Variants in TSTD1 observed in about 807,000 individuals in gnomAD.
TSTD1 encodes the protein thiosulfate:glutathione sulfurtransferase.
Under a neutral mutation model 12.6 loss-of-function variants are expected in TSTD1, and 7 were observed. That is an observed-to-expected ratio of 0.55 (90% CI 0.32 to 1.04). The LOEUF is 1.04. TSTD1 is among the 50% of genes least tolerant of loss of function. The pLI is 0.05. For missense variants in TSTD1, 156 were observed against 151.0 expected, an observed-to-expected ratio of 1.03 and a Z score of -0.17; for synonymous variants, 73 against 59.7, an observed-to-expected ratio of 1.22 and a Z score of -1.03.
At chr1:161,038,478 G>A in intron 2 of TSTD1, 73 bp downstream of exon 2, 1 of 1,446,312 alleles carries the variant, frequency 6.9e-7, no homozygotes, top group South Asian at 1.4e-5. Context: ...CATCCTAAAT[G>A]AGGTCCCATT....
Position 161,038,002 on chromosome 1 carries a change from C to T in TSTD1, c.207G>A (p.Lys69=), listed in dbSNP as rs1321265149. ...FQALYSAEKP[K]LEDEHLVFFC... ...AGAAAACGAGATGCTCATCTTCCAG[C>T]TTTGGCTTCTCAGCAGAATATAAAG... The change falls in exon 3 of 4, where the codon AAG becomes AAA. Residue 69 remains lysine, a synonymous_variant. Transcript: ENST00000423014. 1.3e-6 allele frequency: 2 copies of T among 1,551,748 alleles called. No homozygotes were observed. Among genetic ancestry groups the T allele is most frequent in the Non-Finnish European group, 1.7e-6 (2 of 1,147,006 alleles).
At chr1:161,038,123 A>G in intron 2 of TSTD1, 48 bp from the exon 3 acceptor site, 1 of 1,533,920 alleles carries the variant, frequency 6.5e-7, no homozygotes, top group Non-Finnish European at 8.8e-7. Context: ...TTTGGCACTC[A>G]GGTTCGGAAG....
chr1:161,038,328 T>G, intron 2 of TSTD1: 2 of 687,642 alleles, frequency 2.9e-6, no homozygotes, highest in Non-Finnish European at 4.7e-6. Context: ...GGTCTGCCCC[T>G]CTCCTCTCCG....
chr1:161,038,938 T>C lies in TSTD1; in HGVS notation c.-49A>G, dbSNP rs776204088. ...TCCGGAGTGCGGCCCTGGCCCGCCCTCTCGGCGCCTGCAACATCTCCCGTT... is the reference window on the plus strand; with the variant it reads ...TCCGGAGTGCGGCCCTGGCCCGCCCCCTCGGCGCCTGCAACATCTCCCGTT... On this transcript the variant is annotated 5_prime_UTR_variant, in exon 1 of 4. Transcript: ENST00000423014. The C allele has an allele frequency of 4.5e-6, 7 of 1,547,384 alleles. No individual in the cohort carries two copies. The East Asian group carries it at 1.5e-4, about 33-fold the overall frequency.
chr1:161,037,660 T>G lies in TSTD1; in HGVS notation c.*115A>C, dbSNP rs151164966. ...ATTAAATGTTCTTTATTTGATGCTTTTGTGTGCACAACACTATAAGGAGTT... is the reference window on the plus strand; with the variant it reads ...ATTAAATGTTCTTTATTTGATGCTTGTGTGTGCACAACACTATAAGGAGTT... On this transcript the variant is annotated 3_prime_UTR_variant, in exon 4 of 4. Transcript: ENST00000423014. 2 of 1,097,286 alleles carry G rather than the reference T, an allele frequency of 1.8e-6. No individual in the cohort carries two copies. Among genetic ancestry groups the G allele is most frequent in the African/African-American group, 3.2e-5 (2 of 63,390 alleles). 68.0% of individuals were successfully genotyped at this position (1,097,286 alleles called of 1,614,324 possible). A position where few individuals can be genotyped will look rare whatever the true frequency, so the allele number is the denominator to read the frequency against.
rs1018057124 is a variant in TSTD1 at position 161,038,005 on chromosome 1, T to C, written c.204A>G (p.Pro68=). The change falls in exon 3 of 4, where the codon CCA becomes CCG. Residue 68 remains proline, a synonymous_variant. Transcript: ENST00000423014. ...AFQALYSAEK[P]KLEDEHLVFF... ...AAACGAGATGCTCATCTTCCAGCTT[T>C]GGCTTCTCAGCAGAATATAAAGCCT... The C allele has an allele frequency of 3.9e-6, 6 of 1,551,610 alleles. No individual in the cohort carries two copies. The highest frequency in any genetic ancestry group is 4.4e-6 in the Non-Finnish European group (5 of 1,147,016).
chr1:161,037,713 C>CA lies in TSTD1; in HGVS notation c.*61dup. On this transcript the variant is annotated 3_prime_UTR_variant, in exon 4 of 4. Transcript: ENST00000423014. Reference sequence around the variant, plus strand: ...CCAATTCACCAAGTCAGCCCGTTCACACCCTTAGTTAAGGTGGCCATTAAG... The same window carrying CA: ...CCAATTCACCAAGTCAGCCCGTTCACAACCCTTAGTTAAGGTGGCCATTAAG... The CA allele has an allele frequency of 6.5e-7, 1 of 1,535,408 alleles. No homozygotes were observed.
In TSTD1 at chr1:161,038,626, G is replaced by T; in HGVS notation, c.58C>A (p.Arg20=). The T allele has an allele frequency of 6.4e-7, 1 of 1,550,838 alleles. No homozygotes were observed. The highest frequency in any genetic ancestry group is 8.7e-7 in the Non-Finnish European group (1 of 1,146,324). The change falls in exon 2 of 4, where the codon CGG becomes AGG. Residue 20 remains arginine (R), a synonymous_variant. Transcript: ENST00000423014. ...PELRSLLASG[R]ARLFDVRSRE... is the part of the protein sequence containing the mutation. The stretch of plus-strand genomic sequence containing the variant: ...GAGCGCACGTCGAAGAGCCGGGCCC[G>T]TCCGGAGGCTAGGAGTGAACGGAGT...
At chr1:161,038,802 C>A in intron 1 of TSTD1, 78 bp downstream of exon 1, 1 of 1,525,032 alleles carries the variant, frequency 6.6e-7, no homozygotes. Context: ...CGCCCCTTCG[C>A]TCCGCCACCC....
Position 161,038,562 on chromosome 1 carries a change from A to T in TSTD1, c.122T>A (p.Leu41His). The T allele has an allele frequency of 6.5e-7, 1 of 1,542,654 alleles. No homozygotes were observed. The highest frequency in any genetic ancestry group is 8.8e-7 in the Non-Finnish European group (1 of 1,139,986). The change falls in exon 2 of 4, where the codon CTC (leucine) becomes CAC (histidine). Residue 41 changes from leucine to histidine, a missense_variant. By Grantham distance (99) the Leu-to-His change is moderately conservative. Coordinates refer to ENST00000423014, the MANE Select transcript of TSTD1 (RefSeq NM_001113207.2). ...EAAAGTIPGA[L>H]NIPVSELESA... ...TCTCCACCCTATACCCGGGATGTTG[A>T]GCGCCCCTGGGATGGTCCCAGCTGC...
chr1:161,038,963 TCC>T, exon 1 of TSTD1: 1 of 1,545,828 alleles, frequency 6.5e-7, no homozygotes, highest in Non-Finnish European at 8.7e-7. Context: ...CATCTCCCGT[TCC>T]CTCCCAGAGC....
chr1:161,038,528 G>A (rs1445125703), intron 2 of TSTD1, 23 bp downstream of exon 2: 1 of 1,519,068 alleles, frequency 6.6e-7, no homozygotes, highest in East Asian at 2.5e-5. Flanking sequence ...CCACCACCTG[G>A]GCGTCCCCTC....
In TSTD1 at chr1:161,037,903, C is replaced by T. The variant is rs987389348; in HGVS notation, c.296+10G>A. 6.4e-6 allele frequency: 10 copies of T among 1,551,728 alleles called. No homozygotes were observed. The highest frequency in any genetic ancestry group is 8.7e-6 in the Non-Finnish European group (10 of 1,147,032). ...ATCACCTCCCAGCTAGCAGCCACAC[C>T]TCCCCGTACCCAGTGTATCCAAGAC... On this transcript the variant is annotated intron_variant, in intron 3 of 3. Transcript: ENST00000423014.
intron 1 of TSTD1, 24 bp from the exon 2 acceptor site, chr1:161,038,697 T>C: frequency 1.3e-6 from 2 of 1,540,118 alleles, no homozygotes; most frequent in Non-Finnish European, 8.8e-7. Flanking sequence ...GCGACAGCCT[T>C]CAGGAAGAGG....
At chr1:161,038,247 T>C (rs1650310733) in intron 2 of TSTD1, 172 bp from the exon 3 acceptor site, 1 of 736,720 alleles carries the variant, frequency 1.4e-6, no homozygotes, top group Non-Finnish European at 2.2e-6. Context: ...TGCAAGCCAC[T>C]CCCTAAGCTG....
At position 161,037,645 on chromosome 1, in the gene TSTD1, C is replaced by G. The variant is rs754595475; in HGVS notation, c.*130G>C. On this transcript the variant is annotated 3_prime_UTR_variant, in exon 4 of 4. Transcript: ENST00000423014. ...GCTTCCAATACTTTGATTAAATGTT[C>G]TTTATTTGATGCTTTTGTGTGCACA... is the stretch of plus-strand genomic sequence containing the variant. 3 of 997,170 alleles carry G rather than the reference C, an allele frequency of 3.0e-6. No individual in the cohort carries two copies. Among genetic ancestry groups the G allele is most frequent in the Admixed American group, 4.8e-5 (2 of 41,754 alleles). The allele number at this position is 997,170 out of a possible 1,614,324, so 61.8% of individuals were successfully genotyped here. A position where few individuals can be genotyped will look rare whatever the true frequency, so the allele number is the denominator to read the frequency against.
Position 161,037,992 on chromosome 1 carries a change from CATCTTCCAGCTTTGGCTTCTCAG to C in TSTD1, c.194_216del (p.Ala65GlyfsTer36). ...ATCTGACAGAAGAAAACGAGATGCT[CATCTTCCAGCTTTGGCTTCTCAG>C]CAGAATATAAAGCCTGGAAGGCAGC... On this transcript the variant is annotated frameshift_variant, in exon 3 of 4. Transcript: ENST00000423014. LOFTEE classifies it high-confidence loss of function. 1 of 1,551,784 alleles carries C rather than the reference CATCTTCCAGCTTTGGCTTCTCAG, an allele frequency of 6.4e-7. No homozygotes were observed. Among genetic ancestry groups the C allele is most frequent in the East Asian group, 2.4e-5 (1 of 40,928 alleles).
At chr1:161,038,527 G>C (rs1650327083) in intron 2 of TSTD1, 24 bp downstream of exon 2, 2 of 1,518,944 alleles carry the variant, frequency 1.3e-6, no homozygotes, top group Non-Finnish European at 8.9e-7. Context: ...TCCACCACCT[G>C]GGCGTCCCCT....
intron 1 of TSTD1, 44 bp from the exon 2 acceptor site, chr1:161,038,717 A>G: frequency 6.5e-7 from 1 of 1,528,286 alleles, no homozygotes; most frequent in South Asian, 1.2e-5. Flanking sequence ...GGGGCCTAGG[A>G]GTCACGGCCG....
Sources: allele counts gnomAD v4.1 joint callset, GRCh38; gene constraint gnomAD v4.1.1; transcripts MANE v1.5; gene names NCBI Gene and HGNC (gene_info 2026-07-23, HGNC 2026-07-21).